The following CCDC57 variants were observed in gnomAD, a reference collection of about 807,000 sequenced individuals.
CCDC57 encodes coiled-coil domain containing 57, also known as coiled-coil domain-containing protein 57.
In CCDC57, 118 loss-of-function variants were observed where a neutral mutation model predicts 118.9. That is an observed-to-expected ratio of 0.99 (90% confidence interval 0.86 to 1.16). The LOEUF (loss-of-function observed/expected upper bound fraction) is 1.16. Among genes scored for constraint, CCDC57 ranks in the 50% most tolerant of loss-of-function variants. The pLI, the probability that CCDC57 is intolerant of heterozygous loss-of-function variation, is 0.00. For missense variants in CCDC57, 1,300 were observed against 1,320.7 expected (o/e 0.98, Z 0.24); for synonymous variants, 527 against 532.9 (o/e 0.99, Z 0.15).
chr17:82,180,618 G>A (rs752589857), intron 9 of CCDC57, among the ~76,000 whole-genome samples: 2 of 152,118 alleles, frequency 1.3e-5, no homozygotes, highest in Non-Finnish European at 2.9e-5. Flanking sequence ...TGGGACTACA[G>A]GTGCATACCA....
At chr17:82,157,666 G>A (rs1568302164) in intron 15 of CCDC57, 82 bp downstream of exon 14, 1 of 1,496,320 alleles carries the variant, frequency 6.7e-7, no homozygotes, top group Non-Finnish European at 8.9e-7. Context: ...CATACAGACA[G>A]CAACGCTGGC....
Position 82,212,390 on chromosome 17 carries a change from TTCC to T in CCDC57, c.-211+392_-211+394del, listed in dbSNP as rs146074316. On this transcript the variant is annotated intron_variant, in intron 1 of 19. Transcript: ENST00000665763. This position sits in a 1 kb window ranked among gnomAD's most constrained non-coding sequence, Gnocchi z 4.1. ...GAACCACCGCCTCCGGCCTTTTTTTTTCCTCTCTTTTTTTTTTTTTTTTTTTAA... is the reference window on the plus strand; with the variant it reads ...GAACCACCGCCTCCGGCCTTTTTTTTTCTCTTTTTTTTTTTTTTTTTTTAA... Among the ~76,000 whole-genome samples, 1,433 of 35,216 alleles carry T rather than the reference TTCC, an allele frequency of 0.041. 34 individuals carry two copies. Among genetic ancestry groups the T allele is most frequent in the African/African-American group, 0.15 (1,082 of 6,982 alleles). The allele number at this position is 35,216 out of a possible 152,430, so 23.1% of individuals were successfully genotyped here.
chr17:82,131,161 T>C (rs2038305636), intron 17 of CCDC57, among the ~76,000 whole-genome samples: 1 of 150,278 alleles, frequency 6.7e-6, no homozygotes, highest in Admixed American at 6.6e-5. Flanking sequence ...CCAGGTGTGT[T>C]AGCTCACACC....
In CCDC57 at chr17:82,211,577, C is replaced by G. The variant is rs113786161; in HGVS notation, c.-211+1208G>C. 2.1e-4 allele frequency among the ~76,000 whole-genome samples: 30 copies of G among 144,202 alleles called. 2 individuals carry two copies. The highest frequency in any genetic ancestry group is 7.6e-4 in the African/African-American group (29 of 38,268). 94.6% of individuals were successfully genotyped at this position (144,202 alleles called of 152,430 possible). A position where few individuals can be genotyped will look rare whatever the true frequency, so the allele number is the denominator to read the frequency against. ...TTTTTTTTTTTTTGAGACCGAGTTT[C>G]GCTCTTGTCTCCCAGACTGGAGTGC... is the stretch of plus-strand genomic sequence containing the variant. On this transcript the variant is annotated intron_variant, in intron 1 of 19. Coordinates refer to ENST00000665763, the Ensembl canonical transcript of CCDC57.
intron 7 of CCDC57, among the ~76,000 whole-genome samples, chr17:82,191,390 G>A (rs1052469491): frequency 2.6e-5 from 4 of 152,210 alleles, no homozygotes; most frequent in East Asian, 1.9e-4. Flanking sequence ...TGTCTATGAC[G>A]TGGGCACTGA....
intron 19 of CCDC57, among the ~76,000 whole-genome samples, chr17:82,119,239 G>A (rs1441510215): frequency 6.6e-6 from 1 of 152,096 alleles, no homozygotes. Context: ...CATCCAGGAA[G>A]TGTCATTTTT....
Position 82,198,671 on chromosome 17 carries a change from T to A in CCDC57, c.408-249A>T, listed in dbSNP as rs9901474. On this transcript the variant is annotated intron_variant, in intron 3 of 19. Coordinates refer to ENST00000665763, the Ensembl canonical transcript of CCDC57. ...AAACCCAAAATGTCCAGGATACAATTAAAAAAAAAACCTGACAACCAAAAA... is the reference window on the plus strand; with the variant it reads ...AAACCCAAAATGTCCAGGATACAATAAAAAAAAAAACCTGACAACCAAAAA... 0.47 allele frequency among the ~76,000 whole-genome samples: 69,553 copies of A among 148,172 alleles called. 16,813 individuals carry two copies. Among genetic ancestry groups the A allele is most frequent in the East Asian group, 0.88 (4,435 of 5,060 alleles).
chr17:82,188,828 C>T (rs911152045), intron 7 of CCDC57, among the ~76,000 whole-genome samples: 2 of 152,258 alleles, frequency 1.3e-5, no homozygotes, highest in African/African-American at 2.4e-5. Context: ...CGCACCCCAC[C>T]TATTGATTTT....
At chr17:82,148,982 G>C in intron 16 of CCDC57, among the ~76,000 whole-genome samples, 1 of 85,436 alleles carries the variant, frequency 1.2e-5, no homozygotes, top group Non-Finnish European at 2.3e-5. Context: ...TGGGTGGGTA[G>C]ATGGGTAGAT....
intron 8 of CCDC57, chr17:82,184,954 T>TC (rs1467313075): frequency 6.6e-6 from 1 of 152,304 alleles, no homozygotes; most frequent in Non-Finnish European, 1.5e-5. Context: ...AGAAACAGAC[T>TC]CACCAACGGC....
intron 12 of CCDC57, 95 bp from the exon 12 acceptor site, chr17:82,171,948 A>G: frequency 7.5e-7 from 1 of 1,339,844 alleles, no homozygotes; most frequent in Non-Finnish European, 1.0e-6. Context: ...ATGCCAGCTC[A>G]TGCCCGCCAG....
intron 16 of CCDC57, among the ~76,000 whole-genome samples, chr17:82,144,908 C>G (rs1301132264): frequency 9.2e-5 from 14 of 152,020 alleles, no homozygotes; most frequent in South Asian, 8.3e-4. Flanking sequence ...CAAGTGGCCC[C>G]ACAGTAAGCC....
chr17:82,177,075 A>G (rs1342653500), intron 11 of CCDC57, among the ~76,000 whole-genome samples: 2 of 151,878 alleles, frequency 1.3e-5, no homozygotes, highest in Non-Finnish European at 2.9e-5. Flanking sequence ...GAGAAACCCC[A>G]TCTCTACTAA....
intron 16 of CCDC57, among the ~76,000 whole-genome samples, chr17:82,143,730 A>G (rs2040339235): frequency 6.6e-6 from 1 of 152,168 alleles, no homozygotes; most frequent in African/African-American, 2.4e-5. Flanking sequence ...AGCAGGATTC[A>G]GGGAAACAAA....
intron 13 of CCDC57, among the ~76,000 whole-genome samples, chr17:82,170,568 C>T (rs1217285448): frequency 1.3e-5 from 2 of 149,984 alleles, no homozygotes; most frequent in African/African-American, 4.9e-5. Flanking sequence ...GGGGAGGAGT[C>T]ACGTGAGCAC....
chr17:82,141,536 G>A (rs2040012613), intron 16 of CCDC57, among the ~76,000 whole-genome samples: 1 of 152,056 alleles, frequency 6.6e-6, no homozygotes, highest in Non-Finnish European at 1.5e-5. Context: ...AATTCTTTAC[G>A]GAAACTTCTA....
intron 11 of CCDC57, among the ~76,000 whole-genome samples, chr17:82,174,993 TACA>T (rs1231974109): frequency 6.6e-6 from 1 of 152,176 alleles, no homozygotes; most frequent in Non-Finnish European, 1.5e-5. Flanking sequence ...CTCGCCTGGG[TACA>T]ACAACAGGAA....
At chr17:82,191,518 C>T (rs1221236760) in intron 7 of CCDC57, among the ~76,000 whole-genome samples, 1 of 152,092 alleles carries the variant, frequency 6.6e-6, no homozygotes, top group African/African-American at 2.4e-5. Context: ...AGGGTACCTG[C>T]CTCTCCTGCC....
At chr17:82,146,702 C>A (rs991373814) in intron 16 of CCDC57, among the ~76,000 whole-genome samples, 1 of 152,348 alleles carries the variant, frequency 6.6e-6, no homozygotes, top group Non-Finnish European at 1.5e-5. Context: ...TCCATTGAGT[C>A]CTCCCTATGG....
Sources: allele counts gnomAD v4.1 joint callset (sites outside exome capture counted in the v4.1 genomes callset), GRCh38; gene constraint gnomAD v4.1.1; non-coding constraint Gnocchi (gnomAD v3.1); transcripts MANE v1.5; gene names NCBI Gene and HGNC (gene_info 2026-07-23, HGNC 2026-07-21).